DLG2: variants seen among roughly 807,000 people sequenced by gnomAD.
The protein encoded by DLG2 is discs large MAGUK scaffold protein 2.
Under a neutral mutation model 132.5 loss-of-function variants are expected in DLG2, and 45 were observed. The observed-to-expected ratio is 0.34, with a 90% CI of 0.27 to 0.44. DLG2 has a LOEUF of 0.44. Among genes scored for constraint, DLG2 ranks in the 20% least tolerant of loss-of-function variants. DLG2 has a pLI of 1.00. For synonymous variants in DLG2, 424 were observed against 419.6 expected, an observed-to-expected ratio of 1.01 and a Z score of -0.13; for missense variants, 1,045 against 1,196.9, an observed-to-expected ratio of 0.87 and a Z score of 1.87.
intron 15 of DLG2, among the ~76,000 whole-genome samples, chr11:83,879,156 G>C (rs1222991504): frequency 1.3e-5 from 2 of 152,174 alleles, no homozygotes; most frequent in Non-Finnish European, 2.9e-5. Flanking sequence ...AAAGGTCCTA[G>C]CTGGTGGTAA....
chr11:85,220,637 A>AAATATATATATATATAT (rs371263007), intron 4 of DLG2, among the ~76,000 whole-genome samples: 6 of 148,260 alleles, frequency 4.0e-5, no homozygotes, highest in African/African-American at 1.2e-4. Context: ...TAGAAAAAAA[A>AAATATATATATATATAT]ATATATATAT....
chr11:85,232,614 ATTCT>A (rs1241230069), intron 4 of DLG2, among the ~76,000 whole-genome samples: 1 of 151,858 alleles, frequency 6.6e-6, no homozygotes, highest in African/African-American at 2.4e-5. Flanking sequence ...TTTCTTATAG[ATTCT>A]TTCTTTGTTT....
At chr11:84,573,681 G>A (rs1175865453) in intron 6 of DLG2, among the ~76,000 whole-genome samples, 1 of 152,144 alleles carries the variant, frequency 6.6e-6, no homozygotes, top group East Asian at 1.9e-4. Context: ...GGAAAAATAT[G>A]TTTAAAATAG....
At chr11:85,343,160 C>T (rs1213026933) in intron 3 of DLG2, among the ~76,000 whole-genome samples, 1 of 152,180 alleles carries the variant, frequency 6.6e-6, no homozygotes, top group Non-Finnish European at 1.5e-5. Flanking sequence ...CAAACCAGTA[C>T]AGAACCCAGG....
chr11:85,379,427 C>T (rs1351444654), intron 3 of DLG2, among the ~76,000 whole-genome samples: 2 of 152,174 alleles, frequency 1.3e-5, no homozygotes, highest in Non-Finnish European at 2.9e-5. Context: ...AATGCTCTAT[C>T]TCCCTACATG....
At chr11:85,481,356 A>G (rs1237799679) in intron 3 of DLG2, among the ~76,000 whole-genome samples, 1 of 152,220 alleles carries the variant, frequency 6.6e-6, no homozygotes, top group Non-Finnish European at 1.5e-5. Flanking sequence ...ACAATTGTCC[A>G]TGCACAAAAA....
intron 2 of DLG2, among the ~76,000 whole-genome samples, chr11:85,622,600 A>T (rs1223823851): frequency 6.6e-6 from 1 of 151,462 alleles, no homozygotes; most frequent in Non-Finnish European, 1.5e-5. Context: ...AATAAGCAGG[A>T]GAGTCATAAG....
chr11:84,134,477 C>T (rs1040225830), intron 9 of DLG2, among the ~76,000 whole-genome samples: 1 of 152,002 alleles, frequency 6.6e-6, no homozygotes, highest in African/African-American at 2.4e-5. Flanking sequence ...TGACAATGCT[C>T]AAAAGCACAT....
chr11:85,114,953 G>A (rs893904262), intron 5 of DLG2, among the ~76,000 whole-genome samples: 12 of 151,854 alleles, frequency 7.9e-5, no homozygotes, highest in Non-Finnish European at 1.8e-4. Context: ...AGTGAGAGAT[G>A]ATTCATACAA....
intron 6 of DLG2, among the ~76,000 whole-genome samples, chr11:84,922,625 G>A (rs2092806596): frequency 6.6e-6 from 1 of 152,060 alleles, no homozygotes; most frequent in African/African-American, 2.4e-5. Flanking sequence ...GTATCCCACA[G>A]AGCACATCTA....
At chr11:83,956,025 T>G (rs930597829) in intron 14 of DLG2, among the ~76,000 whole-genome samples, 12 of 152,092 alleles carry the variant, frequency 7.9e-5, no homozygotes, top group African/African-American at 2.9e-4. Context: ...AAACTCCCCT[T>G]ATACATCCAT....
At chr11:83,787,312 G>C (rs1310677940) in intron 17 of DLG2, among the ~76,000 whole-genome samples, 1 of 69,616 alleles carries the variant, frequency 1.4e-5, no homozygotes, top group Non-Finnish European at 2.7e-5. Flanking sequence ...CTTAAGCCTT[G>C]TTTTTTTTTT....
chr11:84,539,214 T>C (rs1014100270), intron 6 of DLG2, among the ~76,000 whole-genome samples: 2 of 152,202 alleles, frequency 1.3e-5, no homozygotes, highest in African/African-American at 2.4e-5. Flanking sequence ...CTTACATACC[T>C]GGAAAGTGGC....
chr11:84,149,331 T>C (rs1199303710), intron 9 of DLG2, among the ~76,000 whole-genome samples: 1 of 152,192 alleles, frequency 6.6e-6, no homozygotes, highest in Non-Finnish European at 1.5e-5. Flanking sequence ...GGCTTTCTTT[T>C]AGGATTTTTA....
At chr11:85,011,545 ACTTT>A (rs1442102118) in intron 6 of DLG2, among the ~76,000 whole-genome samples, 3 of 152,214 alleles carry the variant, frequency 2.0e-5, no homozygotes, top group Admixed American at 6.5e-5. Flanking sequence ...AGATAAAAAT[ACTTT>A]CTTTGACTTC....
chr11:84,680,370 C>T (rs1163215329), intron 6 of DLG2, among the ~76,000 whole-genome samples: 1 of 152,114 alleles, frequency 6.6e-6, no homozygotes, highest in East Asian at 1.9e-4. Flanking sequence ...AAGATAAGGG[C>T]CATCCCTCTT....
chr11:83,917,701 C>T lies in DLG2; in HGVS notation c.1496+12627G>A, dbSNP rs183821991. Among the ~76,000 whole-genome samples the T allele has an allele frequency of 2.2e-4, 33 of 152,266 alleles. No homozygotes were observed. The East Asian group carries it at 4.1e-3, about 19-fold the overall frequency. On this transcript the variant is annotated intron_variant, in intron 15 of 27. Transcript: ENST00000376104. ...GAGCTTCCATTAAATGTGAACTCTT[C>T]CTTTGAGCTATAAGACTATAAATCA...
chr11:85,018,370 C>A (rs1158608946), intron 6 of DLG2, among the ~76,000 whole-genome samples: 1 of 152,062 alleles, frequency 6.6e-6, no homozygotes, highest in Non-Finnish European at 1.5e-5. Flanking sequence ...GGGGAAAAAA[C>A]CTTTTTAGTT....
chr11:84,752,446 G>A (rs2066254568), intron 6 of DLG2, among the ~76,000 whole-genome samples: 1 of 152,054 alleles, frequency 6.6e-6, no homozygotes, highest in African/African-American at 2.4e-5. Flanking sequence ...AGAGAGAGTA[G>A]AAGGATGTAT....
Sources: allele counts gnomAD v4.1 joint callset (sites outside exome capture counted in the v4.1 genomes callset), GRCh38; gene constraint gnomAD v4.1.1; transcripts MANE v1.5; gene names NCBI Gene and HGNC (gene_info 2026-07-23, HGNC 2026-07-21).